DNAJC16: variants seen among roughly 807,000 people sequenced by gnomAD.
The protein encoded by DNAJC16 is dnaJ homolog subfamily C member 16.
Under a neutral mutation model 92.7 loss-of-function variants are expected in DNAJC16, and 76 were observed. That is an observed-to-expected ratio of 0.82 (90% CI 0.68 to 0.99). The LOEUF (loss-of-function observed/expected upper bound fraction) is 0.99, where lower values mean the gene tolerates loss of function less well. Among genes scored for constraint, DNAJC16 ranks in the 50% least tolerant of loss-of-function variants. The probability of loss-of-function intolerance (pLI) is 0.00; values close to 1 mark genes in which losing one functional copy is unlikely to be tolerated. For missense variants in DNAJC16, 869 were observed against 942.4 expected (o/e 0.92, Z 1.02); for synonymous variants, 328 against 358.7 (o/e 0.91, Z 0.97).
At chr1:15,557,937 G>C (rs1033808415) in intron 7 of DNAJC16, among the ~76,000 whole-genome samples, 3 of 151,644 alleles carry the variant, frequency 2.0e-5, no homozygotes, top group African/African-American at 7.3e-5. Flanking sequence ...TATGAGACAG[G>C]GTTTCACTCC....
At chr1:15,527,589 A>G (rs957678646) in intron 1 of DNAJC16, among the ~76,000 whole-genome samples, 43 of 152,212 alleles carry the variant, frequency 2.8e-4, no homozygotes, top group African/African-American at 9.9e-4. Flanking sequence ...CTAGTCTTCA[A>G]CCCATATGCT....
At chr1:15,543,174 T>C (rs1466025726) in intron 4 of DNAJC16, among the ~76,000 whole-genome samples, 1 of 152,080 alleles carries the variant, frequency 6.6e-6, no homozygotes, top group Non-Finnish European at 1.5e-5. Context: ...CAATAAACAA[T>C]TGACAGAAGG....
At chr1:15,530,907 C>G (rs1159699135) in intron 2 of DNAJC16, among the ~76,000 whole-genome samples, 1 of 152,170 alleles carries the variant, frequency 6.6e-6, no homozygotes, top group Non-Finnish European at 1.5e-5. Flanking sequence ...AGGCTGGTCT[C>G]AGACTCCTGA....
In DNAJC16 at chr1:15,570,794, CAT is replaced by C. The variant is rs1638931637; in HGVS notation, c.*2620_*2621del. ...TGAATTTGTTTACTTTTGCGTCAAA[CAT>C]ATGAGCCATTGTCATGCTCAGCCTG... On this transcript the variant is annotated 3_prime_UTR_variant, in exon 15 of 15. Transcript: ENST00000375847. The C allele has an allele frequency of 6.6e-6, 1 of 152,206 alleles. No individual in the cohort carries two copies. Among genetic ancestry groups the C allele is most frequent in the Non-Finnish European group, 1.5e-5 (1 of 68,044 alleles). 9.4% of individuals were successfully genotyped at this position (152,206 alleles called of 1,614,324 possible).
chr1:15,541,675 G>A lies in DNAJC16; in HGVS notation c.575-2724G>A, dbSNP rs550502880. 2.6e-5 allele frequency among the ~76,000 whole-genome samples: 4 copies of A among 152,296 alleles called. No individual in the cohort carries two copies. In the South Asian group the frequency reaches 6.2e-4, roughly 24 times the overall value. ...TAGGAATTTACTAATTAGAAAATAA[G>A]CGCACAAGAGCACAAAGATGTATGC... On this transcript the variant is annotated intron_variant, in intron 4 of 14. Coordinates refer to ENST00000375847, the MANE Select transcript of DNAJC16 (RefSeq NM_015291.4).
rs113932795 is a variant in DNAJC16, at chr1:15,553,229, C to CTTTTG, written c.1023+4816_1023+4820dup. Among the ~76,000 whole-genome samples the CTTTTG allele has an allele frequency of 9.9e-3, 1,501 of 151,366 alleles. 26 individuals carry two copies. Among genetic ancestry groups the CTTTTG allele is most frequent in the African/African-American group, 0.033 (1,379 of 41,202 alleles). On this transcript the variant is annotated intron_variant, in intron 7 of 14. Transcript: ENST00000375847. ...TATCTTCACCCATTCTGTGGCTTGT[C>CTTTTG]TTTTGTTTTGTTTTGTTTTTTTGAG...
intron 2 of DNAJC16, 49 bp downstream of exon 2, chr1:15,529,321 G>A: frequency 6.5e-7 from 1 of 1,539,968 alleles, no homozygotes; most frequent in South Asian, 1.2e-5. Context: ...AACAGTCTTA[G>A]CAGGGATGAA....
intron 1 of DNAJC16, among the ~76,000 whole-genome samples, chr1:15,528,079 T>C (rs1168081660): frequency 6.6e-6 from 1 of 152,238 alleles, no homozygotes; most frequent in East Asian, 1.9e-4. Flanking sequence ...CGTTAATTCT[T>C]CTTCACATGT....
chr1:15,563,965 GT>G lies in DNAJC16; in HGVS notation c.1376del (p.Val459GlyfsTer43). The G allele has an allele frequency of 6.2e-7, 1 of 1,614,164 alleles. No individual in the cohort carries two copies. On this transcript the variant is annotated frameshift_variant, in exon 10 of 15. Transcript: ENST00000375847. LOFTEE classifies it high-confidence loss of function. ...AGAAAGGCGCAACACAGCAGGAAGGGTGGTGTATAAAACCCTGGAAGACCCT... is the reference window on the plus strand; with the variant it reads ...AGAAAGGCGCAACACAGCAGGAAGGGGGTGTATAAAACCCTGGAAGACCCT... The part of the protein sequence containing the change: ...ILERRNTAGR[V>X]VYKTLEDPWI...
intron 2 of DNAJC16, among the ~76,000 whole-genome samples, chr1:15,531,814 A>G (rs7546166): frequency 6.6e-6 from 1 of 152,216 alleles, no homozygotes. Flanking sequence ...TTTGGCTATG[A>G]CAATGCTTTG....
chr1:15,566,181 G>A lies in DNAJC16; in HGVS notation c.1778+1G>A. 1 of 1,612,842 alleles carries A rather than the reference G, an allele frequency of 6.2e-7. No individual in the cohort carries two copies. The highest frequency in any genetic ancestry group is 1.1e-5 in the South Asian group (1 of 91,028). On this transcript the variant is annotated splice_donor_variant, in intron 13 of 14. Coordinates refer to ENST00000375847, the MANE Select transcript of DNAJC16 (RefSeq NM_015291.4). LOFTEE classifies it high-confidence loss of function. ...CAAGCTTCACCAAAGAAAACAGCAG[G>A]TTTCTCTAACAAAACACCAGACTCA...
chr1:15,547,052 G>A (rs951896915), intron 6 of DNAJC16, among the ~76,000 whole-genome samples, 181 bp downstream of exon 6: 7 of 150,914 alleles, frequency 4.6e-5, no homozygotes, highest in Admixed American at 2.6e-4. Flanking sequence ...CATACATTGA[G>A]TACTGATTAA....
In DNAJC16 at chr1:15,552,028, C is replaced by CAA. The variant is rs557657296; in HGVS notation, c.1023+3612_1023+3613dup. Reference sequence around the variant, plus strand: ...CCTGGGTGAGAATGAGACTCTGTCTCAAAAAAAAAAAAATTTTTTTTGTTT... The same window carrying CAA: ...CCTGGGTGAGAATGAGACTCTGTCTCAAAAAAAAAAAAAAATTTTTTTTGTTT... On this transcript the variant is annotated intron_variant, in intron 7 of 14. Transcript: ENST00000375847. Among the ~76,000 whole-genome samples the CAA allele has an allele frequency of 3.0e-3, 420 of 142,280 alleles. 3 individuals are homozygous for CAA. Among genetic ancestry groups the CAA allele is most frequent in the African/African-American group, 9.8e-3 (379 of 38,820 alleles). The allele number at this position is 142,280 out of a possible 152,430, so 93.3% of individuals were successfully genotyped here.
Position 15,563,965 on chromosome 1 carries a change from G to A in DNAJC16, c.1375G>A (p.Val459Met). ...ILERRNTAGRVVYKTLEDPWI... is the reference protein window; with the variant it reads ...ILERRNTAGRMVYKTLEDPWI... ...AGAAAGGCGCAACACAGCAGGAAGG[G>A]TGGTGTATAAAACCCTGGAAGACCC... The change falls in exon 10 of 15, where the codon GTG (valine) becomes ATG (methionine). Residue 459 changes from valine (V) to methionine (M), a missense_variant. Val to Met is a conservative substitution (Grantham distance 21). Coordinates refer to ENST00000375847, the MANE Select transcript of DNAJC16 (RefSeq NM_015291.4). 2 of 1,614,164 alleles carry A rather than the reference G, an allele frequency of 1.2e-6. No homozygotes were observed. The highest frequency in any genetic ancestry group is 1.7e-6 in the Non-Finnish European group (2 of 1,180,028).
chr1:15,566,709 C>T (rs914784933), intron 13 of DNAJC16: 8 of 176,634 alleles, frequency 4.5e-5, no homozygotes, highest in Non-Finnish European at 8.6e-5. Context: ...ATGGCAAGAC[C>T]CTGTCTCTAC....
intron 7 of DNAJC16, among the ~76,000 whole-genome samples, chr1:15,554,891 TC>T (rs956691143): frequency 1.3e-5 from 2 of 152,182 alleles, no homozygotes; most frequent in African/African-American, 2.4e-5. Flanking sequence ...AATTGGGCCT[TC>T]CAACCTTTGA....
At chr1:15,551,768 T>G (rs1316082991) in intron 7 of DNAJC16, among the ~76,000 whole-genome samples, 1 of 151,984 alleles carries the variant, frequency 6.6e-6, no homozygotes, top group Non-Finnish European at 1.5e-5. Flanking sequence ...CATGCACCAC[T>G]GGCTAATTTT....
At chr1:15,560,465 A>G (rs1484022732) in intron 8 of DNAJC16, 1 of 151,462 alleles carries the variant, frequency 6.6e-6, no homozygotes, top group African/African-American at 2.5e-5. Flanking sequence ...AAGAGTTATT[A>G]TACAAAGTAT....
chr1:15,551,121 C>CA (rs1638433083), intron 7 of DNAJC16, among the ~76,000 whole-genome samples: 1 of 152,258 alleles, frequency 6.6e-6, no homozygotes, highest in South Asian at 2.1e-4. Flanking sequence ...CCGCCCACCT[C>CA]AGTCTCCCAA....
Sources: allele counts gnomAD v4.1 joint callset (sites outside exome capture counted in the v4.1 genomes callset), GRCh38; gene constraint gnomAD v4.1.1; transcripts MANE v1.5; gene names NCBI Gene and HGNC (gene_info 2026-07-23, HGNC 2026-07-21).